LUZP2: variants seen among roughly 807,000 people sequenced by gnomAD.
LUZP2 encodes leucine zipper protein 2.
LUZP2 carries 52 observed loss-of-function variants against 51.6 expected under a neutral mutation model. That is an observed-to-expected ratio of 1.01 (90% CI 0.81 to 1.27). The LOEUF is 1.27. Ranked by LOEUF, LUZP2 falls within the 50% of genes most tolerant of loss-of-function variation. The probability of loss-of-function intolerance (pLI) is 0.00; values close to 1 mark genes in which losing one functional copy is unlikely to be tolerated. For synonymous variants in LUZP2, 154 were observed against 137.3 expected (o/e 1.12, Z -0.85); for missense variants, 436 against 395.4 (o/e 1.10, Z -0.87).
chr11:24,574,612 AAAAC>A (rs1852580381), intron 1 of LUZP2, among the ~76,000 whole-genome samples: 1 of 152,030 alleles, frequency 6.6e-6, no homozygotes. Flanking sequence ...AACTCCCTCT[AAAAC>A]AAAAGACAGG....
intron 5 of LUZP2, among the ~76,000 whole-genome samples, chr11:24,801,728 G>A (rs1849702473): frequency 6.6e-6 from 1 of 151,064 alleles, no homozygotes; most frequent in South Asian, 2.1e-4. Flanking sequence ...AGGGGATGTA[G>A]GCAAAACTTT....
rs551897881 is a variant in LUZP2 at position 24,834,141 on chromosome 11, A to G, written c.396+70833A>G. On this transcript the variant is annotated intron_variant, in intron 5 of 11. Transcript: ENST00000336930. Reference sequence around the variant, plus strand: ...TGTGCAGAATGTGCAGGTTTTTTACATAGGTATACATGTGCTATGGTGGTT... The same window carrying G: ...TGTGCAGAATGTGCAGGTTTTTTACGTAGGTATACATGTGCTATGGTGGTT... 2.6e-5 allele frequency among the ~76,000 whole-genome samples: 4 copies of G among 152,048 alleles called. No homozygotes were observed. The South Asian group carries it at 6.2e-4, about 24-fold the overall frequency.
intron 1 of LUZP2, among the ~76,000 whole-genome samples, chr11:24,680,581 G>C (rs1407589955): frequency 6.6e-6 from 1 of 152,122 alleles, no homozygotes; most frequent in Non-Finnish European, 1.5e-5. Flanking sequence ...TCTATTTTCT[G>C]TCTGCAGAAT....
intron 4 of LUZP2, among the ~76,000 whole-genome samples, chr11:24,744,137 T>A (rs1859286786): frequency 6.6e-6 from 1 of 152,092 alleles, no homozygotes; most frequent in South Asian, 2.1e-4. Context: ...AGGATTTTAG[T>A]GTCTATGTTC....
At chr11:24,651,838 G>A (rs1054664038) in intron 1 of LUZP2, among the ~76,000 whole-genome samples, 94 of 152,064 alleles carry the variant, frequency 6.2e-4, no homozygotes, top group African/African-American at 2.1e-3. Context: ...AGGAAATTCT[G>A]CCAGCAGACT....
chr11:25,013,196 A>G (rs2133960999), intron 9 of LUZP2, among the ~76,000 whole-genome samples: 1 of 152,252 alleles, frequency 6.6e-6, no homozygotes, highest in South Asian at 2.1e-4. Context: ...TAGAGCGTGG[A>G]CAGATAAACA....
chr11:24,561,398 T>G (rs1259468502), intron 1 of LUZP2, among the ~76,000 whole-genome samples: 1 of 152,136 alleles, frequency 6.6e-6, no homozygotes, highest in Non-Finnish European at 1.5e-5. Flanking sequence ...AAATTGGTAT[T>G]AGAATCTCAT....
At chr11:24,552,104 C>G (rs922589199) in intron 1 of LUZP2, among the ~76,000 whole-genome samples, 1 of 151,910 alleles carries the variant, frequency 6.6e-6, no homozygotes, top group Non-Finnish European at 1.5e-5. Context: ...ATATGGTGGA[C>G]AAAACATGAT....
chr11:24,803,996 GAAAAAAAAA>G (rs75845899), intron 5 of LUZP2, among the ~76,000 whole-genome samples: 2 of 106,078 alleles, frequency 1.9e-5, no homozygotes, highest in Admixed American at 2.0e-4. Flanking sequence ...TGCCATAAAG[GAAAAAAAAA>G]AAAAAAAAAA....
chr11:24,948,577 A>T (rs1854966764), intron 7 of LUZP2, among the ~76,000 whole-genome samples: 1 of 151,694 alleles, frequency 6.6e-6, no homozygotes, highest in Non-Finnish European at 1.5e-5. Context: ...TTCACAGGCT[A>T]AAGTTATCAT....
At chr11:24,924,377 C>T (rs953603998) in intron 7 of LUZP2, among the ~76,000 whole-genome samples, 1 of 152,180 alleles carries the variant, frequency 6.6e-6, no homozygotes, top group Admixed American at 6.5e-5. Context: ...CGCACCCAGC[C>T]CGCTTGCCCC....
intron 7 of LUZP2, among the ~76,000 whole-genome samples, chr11:24,964,958 G>C (rs1322583780): frequency 6.6e-6 from 1 of 151,664 alleles, no homozygotes; most frequent in Non-Finnish European, 1.5e-5. Context: ...AAAAGTTTCA[G>C]ACATTTTCAG....
intron 5 of LUZP2, among the ~76,000 whole-genome samples, chr11:24,779,864 A>G (rs749970433): frequency 4.6e-5 from 7 of 152,140 alleles, no homozygotes; most frequent in Non-Finnish European, 8.8e-5. Flanking sequence ...TGATATGAAG[A>G]CAGGGTGAGA....
chr11:24,743,632 CA>C (rs1390393264), intron 4 of LUZP2, among the ~76,000 whole-genome samples: 1 of 151,978 alleles, frequency 6.6e-6, no homozygotes, highest in Non-Finnish European at 1.5e-5. Flanking sequence ...ATATCATCAG[CA>C]AACAATGACA....
chr11:24,876,158 A>G (rs1036542935), intron 5 of LUZP2, among the ~76,000 whole-genome samples: 11 of 150,516 alleles, frequency 7.3e-5, no homozygotes, highest in Non-Finnish European at 1.6e-4. Context: ...TGTTTTAGAC[A>G]TGAAGCCCTT....
At chr11:24,590,887 C>G (rs1378952578) in intron 1 of LUZP2, among the ~76,000 whole-genome samples, 1 of 152,044 alleles carries the variant, frequency 6.6e-6, no homozygotes, top group African/African-American at 2.4e-5. Context: ...ACAGATCTGA[C>G]ATGTAAGAAA....
rs77306753 is a variant in LUZP2 at position 24,603,746 on chromosome 11, T to C, written c.62+106441T>C. 2.7e-4 allele frequency among the ~76,000 whole-genome samples: 41 copies of C among 150,898 alleles called. No individual in the cohort carries two copies. In the East Asian group the frequency reaches 6.4e-3, roughly 23 times the overall value. ...TATTAGCAGAACATGTGGATAAGTA[T>C]TGCTTCAATTAACAAAGTAAAGAAT... On this transcript the variant is annotated intron_variant, in intron 1 of 11. Coordinates refer to ENST00000336930, the MANE Select transcript of LUZP2 (RefSeq NM_001009909.4).
intron 1 of LUZP2, among the ~76,000 whole-genome samples, chr11:24,529,901 A>G (rs914443887): frequency 2.0e-5 from 3 of 151,150 alleles, no homozygotes; most frequent in Middle Eastern, 3.4e-3. Flanking sequence ...GTTAATAGAT[A>G]TCTCTATTTT....
intron 1 of LUZP2, among the ~76,000 whole-genome samples, chr11:24,541,374 A>G (rs1851360825): frequency 6.6e-6 from 1 of 151,898 alleles, no homozygotes; most frequent in Admixed American, 6.6e-5. Flanking sequence ...TTAAGTAAGT[A>G]CATCTTAAAC....
Sources: allele counts gnomAD v4.1 joint callset (sites outside exome capture counted in the v4.1 genomes callset), GRCh38; gene constraint gnomAD v4.1.1; transcripts MANE v1.5; gene names NCBI Gene and HGNC (gene_info 2026-07-23, HGNC 2026-07-21).